The following MTHFD2L variants were observed in gnomAD, a reference collection of about 807,000 sequenced individuals.
MTHFD2L encodes methylenetetrahydrofolate dehydrogenase (NADP+ dependent) 2 like.
A neutral mutation model predicts 34.9 loss-of-function variants in MTHFD2L; 29 were observed. The ratio of observed to expected loss-of-function variants is 0.83; its 90% CI spans 0.62 to 1.13. MTHFD2L has a LOEUF of 1.13. Among genes scored for constraint, MTHFD2L ranks in the 50% most tolerant of loss-of-function variants. The probability of loss-of-function intolerance (pLI) is 0.00; values close to 1 mark genes in which losing one functional copy is unlikely to be tolerated. For synonymous variants in MTHFD2L, 167 were observed against 155.7 expected (o/e 1.07, Z -0.54); for missense variants, 481 against 446.5 (o/e 1.08, Z -0.70).
intron 6 of MTHFD2L, among the ~76,000 whole-genome samples, chr4:74,247,748 T>C (rs915116051): frequency 6.6e-6 from 1 of 152,210 alleles, no homozygotes; most frequent in Non-Finnish European, 1.5e-5. Flanking sequence ...CATGTGGTTT[T>C]TGTCTTTGGT....
intron 1 of MTHFD2L, among the ~76,000 whole-genome samples, chr4:74,169,143 A>G (rs1727373055): frequency 6.6e-6 from 1 of 152,248 alleles, no homozygotes; most frequent in Non-Finnish European, 1.5e-5. Context: ...AACACCAGCT[A>G]GCCAGGCTGT....
At chr4:74,194,358 C>A (rs1357820495) in intron 3 of MTHFD2L, 1 of 152,056 alleles carries the variant, frequency 6.6e-6, no homozygotes, top group Non-Finnish European at 1.5e-5. Context: ...GCTAGAAAAG[C>A]TTTTAAAGTG....
At chr4:74,184,879 G>C (rs1730852386) in intron 3 of MTHFD2L, among the ~76,000 whole-genome samples, 1 of 152,124 alleles carries the variant, frequency 6.6e-6, no homozygotes, top group African/African-American at 2.4e-5. Flanking sequence ...GCTGTGCACA[G>C]TGGCTCATGC....
intron 1 of MTHFD2L, among the ~76,000 whole-genome samples, chr4:74,144,009 T>A (rs1426515268): frequency 6.6e-6 from 1 of 152,344 alleles, no homozygotes; most frequent in East Asian, 1.9e-4. Context: ...TGGAGAGGTA[T>A]GGCAGAATAA....
At chr4:74,125,969 T>A (rs577285717) in intron 1 of MTHFD2L, among the ~76,000 whole-genome samples, 1 of 152,308 alleles carries the variant, frequency 6.6e-6, no homozygotes, top group East Asian at 1.9e-4. Flanking sequence ...TACCCACCCA[T>A]ATCATCTGAT....
chr4:74,294,582 C>T (rs935015558), intron 7 of MTHFD2L, among the ~76,000 whole-genome samples: 1 of 152,062 alleles, frequency 6.6e-6, no homozygotes, highest in Non-Finnish European at 1.5e-5. Context: ...TGGTATCCTT[C>T]ATGAGTACAA....
At chr4:74,278,388 A>G (rs557502066) in intron 6 of MTHFD2L, among the ~76,000 whole-genome samples, 1 of 152,284 alleles carries the variant, frequency 6.6e-6, no homozygotes, top group Admixed American at 6.5e-5. Flanking sequence ...AGAATCCGTC[A>G]TTCCAAAATT....
chr4:74,249,878 A>C (rs1299796981), intron 6 of MTHFD2L, among the ~76,000 whole-genome samples: 1 of 152,118 alleles, frequency 6.6e-6, no homozygotes, highest in Non-Finnish European at 1.5e-5. Context: ...TTCCCTTTGT[A>C]GGTAACCCGA....
At chr4:74,199,745 C>G in intron 3 of MTHFD2L, 49 bp from the exon 4 acceptor site, 1 of 1,501,630 alleles carries the variant, frequency 6.7e-7, no homozygotes, top group Non-Finnish European at 9.0e-7. Context: ...TTTCAGGCTA[C>G]CAAATAAATA....
At chr4:74,271,575 C>T (rs978590927) in intron 6 of MTHFD2L, among the ~76,000 whole-genome samples, 5 of 152,122 alleles carry the variant, frequency 3.3e-5, no homozygotes, top group African/African-American at 1.2e-4. Flanking sequence ...TTACTGTAGC[C>T]TTGTAGTATA....
chr4:74,232,428 G>T (rs1233266511), intron 6 of MTHFD2L, among the ~76,000 whole-genome samples: 1 of 152,076 alleles, frequency 6.6e-6, no homozygotes, highest in East Asian at 1.9e-4. Flanking sequence ...CACCGTCCCA[G>T]TCTCCCTCTC....
chr4:74,199,704 G>A, intron 3 of MTHFD2L, 90 bp from the exon 4 acceptor site: 3 of 1,083,768 alleles, frequency 2.8e-6, no homozygotes, highest in Non-Finnish European at 2.6e-6. Flanking sequence ...CGAATTATAA[G>A]TGATGTGGCT....
At chr4:74,301,559 CTG>C in intron 7 of MTHFD2L, 136 bp from the exon 8 acceptor site, 1 of 510,710 alleles carries the variant, frequency 2.0e-6, no homozygotes, top group South Asian at 3.1e-5. Context: ...GTGTGTGTGT[CTG>C]TTTATTACAG....
intron 6 of MTHFD2L, among the ~76,000 whole-genome samples, chr4:74,235,145 T>G (rs1740661522): frequency 6.6e-6 from 1 of 152,178 alleles, no homozygotes; most frequent in Non-Finnish European, 1.5e-5. Flanking sequence ...ATTTTAATTT[T>G]ATCCTGTAGG....
At chr4:74,274,229 C>G (rs1048373826) in intron 6 of MTHFD2L, among the ~76,000 whole-genome samples, 1 of 151,618 alleles carries the variant, frequency 6.6e-6, no homozygotes, top group Non-Finnish European at 1.5e-5. Context: ...TATAGAGATA[C>G]AAAAAAATGA....
At chr4:74,152,664 C>T (rs1473662451) in intron 1 of MTHFD2L, among the ~76,000 whole-genome samples, 1 of 152,060 alleles carries the variant, frequency 6.6e-6, no homozygotes, top group African/African-American at 2.4e-5. Flanking sequence ...TCCTAATGCT[C>T]TCCCTTCCCT....
chr4:74,244,621 A>G (rs1331316239), intron 6 of MTHFD2L, among the ~76,000 whole-genome samples: 6 of 152,222 alleles, frequency 3.9e-5, no homozygotes, highest in African/African-American at 9.6e-5. Context: ...ATGAAATGCT[A>G]TTTTCCAAAT....
intron 3 of MTHFD2L, chr4:74,181,719 T>C (rs1247791695): frequency 1.3e-5 from 2 of 152,196 alleles, no homozygotes; most frequent in East Asian, 1.9e-4. Context: ...GATTAGCACC[T>C]TCCAGTTTAT....
chr4:74,271,097 A>G (rs911845906), intron 6 of MTHFD2L, among the ~76,000 whole-genome samples: 33 of 152,298 alleles, frequency 2.2e-4, no homozygotes, highest in Admixed American at 4.6e-4. Flanking sequence ...GTAGACTGCA[A>G]AAATATTCTC....
Sources: gnomAD v4.1 joint callset for allele counts (sites outside exome capture counted in the v4.1 genomes callset) on GRCh38, gnomAD v4.1.1 for gene constraint, MANE v1.5 for transcripts, NCBI Gene and HGNC (gene_info 2026-07-23, HGNC 2026-07-21) for gene names.